The following STK32B variants were observed in gnomAD, a reference collection of about 807,000 sequenced individuals.
STK32B encodes serine/threonine kinase 32B, also known as serine/threonine-protein kinase 32B.
STK32B carries 43 observed loss-of-function variants against 52.6 expected under a neutral mutation model. That is an observed-to-expected ratio of 0.82 (90% CI 0.64 to 1.05). The LOEUF (loss-of-function observed/expected upper bound fraction) is 1.05, where lower values mean the gene tolerates loss of function less well. Among genes scored for constraint, STK32B ranks in the 50% least tolerant of loss-of-function variants. The pLI is 0.00. For synonymous variants in STK32B, 238 were observed against 204.3 expected (o/e 1.17, Z -1.41); for missense variants, 621 against 534.6 (o/e 1.16, Z -1.59).
intron 3 of STK32B, among the ~76,000 whole-genome samples, chr4:5,319,758 A>G (rs1731363896): frequency 1.3e-5 from 2 of 152,124 alleles, no homozygotes; most frequent in Non-Finnish European, 2.9e-5. Context: ...AGGGTATGAA[A>G]TGTCTTCTCA....
At chr4:5,193,966 C>T (rs918739363) in intron 3 of STK32B, among the ~76,000 whole-genome samples, 2 of 152,192 alleles carry the variant, frequency 1.3e-5, no homozygotes, top group Non-Finnish European at 2.9e-5. Context: ...TTCTCATGCT[C>T]CTGCACCTCT....
At chr4:5,160,941 A>T (rs1301719192) in intron 2 of STK32B, among the ~76,000 whole-genome samples, 1 of 152,182 alleles carries the variant, frequency 6.6e-6, no homozygotes, top group Non-Finnish European at 1.5e-5. Context: ...AGACCTGTGG[A>T]TGCCTGAGAA....
chr4:5,260,201 C>G (rs577997905), intron 3 of STK32B, among the ~76,000 whole-genome samples: 1 of 152,288 alleles, frequency 6.6e-6, no homozygotes, highest in Non-Finnish European at 1.5e-5. Flanking sequence ...CTGCCAAATG[C>G]TTCATGCTCT....
intron 4 of STK32B, among the ~76,000 whole-genome samples, chr4:5,375,824 A>G (rs1283690584): frequency 6.6e-6 from 1 of 152,124 alleles, no homozygotes; most frequent in Non-Finnish European, 1.5e-5. Context: ...GTGCTCCACA[A>G]TGGAGAATCA....
chr4:5,361,245 C>T (rs929170647), intron 4 of STK32B, among the ~76,000 whole-genome samples: 1 of 152,176 alleles, frequency 6.6e-6, no homozygotes, highest in Admixed American at 6.5e-5. Flanking sequence ...TTGCTCCCAC[C>T]TTTTGGCTAT....
chr4:5,327,077 TC>T (rs530163440), intron 3 of STK32B, among the ~76,000 whole-genome samples: 24 of 152,202 alleles, frequency 1.6e-4, no homozygotes, highest in Admixed American at 1.5e-3. Flanking sequence ...GGGAAACAAC[TC>T]AACTCCTCAT....
chr4:5,448,549 G>A (rs981327234), intron 7 of STK32B, among the ~76,000 whole-genome samples: 2 of 152,270 alleles, frequency 1.3e-5, no homozygotes, highest in African/African-American at 4.8e-5. Context: ...TCATGGGTCA[G>A]TGCAATCAAA....
intron 1 of STK32B, among the ~76,000 whole-genome samples, chr4:5,085,536 A>G (rs1712687973): frequency 6.6e-6 from 1 of 152,202 alleles, no homozygotes; most frequent in Non-Finnish European, 1.5e-5. Context: ...GGATAGTTCT[A>G]AGGAAGCACC....
In STK32B at chr4:5,168,317, C is replaced by T. The variant is rs749831897; in HGVS notation, c.127C>T (p.Arg43Ter). ...SFGKVCIVQK[R>*]DTKKMYAMKY... ...CGCTCAGGTATGCATCGTGCAGAAG[C>T]GAGACACTAAGAAAATGTATGCAAT... The change falls in exon 3 of 12, where the codon CGA (arginine) becomes TGA (stop). Residue 43 changes from arginine (R) to a stop codon, truncating the protein, a stop_gained. Coordinates refer to ENST00000282908, the MANE Select transcript of STK32B (RefSeq NM_018401.3). LOFTEE classifies it high-confidence loss of function. 6.2e-6 allele frequency: 10 copies of T among 1,613,690 alleles called. No homozygotes were observed. The highest frequency in any genetic ancestry group is 2.2e-5 in the East Asian group (1 of 44,820).
In STK32B at chr4:5,398,205, A is replaced by C. The variant is rs917030846; in HGVS notation, c.435-2A>C. 3.7e-6 allele frequency: 6 copies of C among 1,613,902 alleles called. No individual in the cohort carries two copies. Among genetic ancestry groups the C allele is most frequent in the Non-Finnish European group, 5.1e-6 (6 of 1,179,988 alleles). On this transcript the variant is annotated splice_acceptor_variant, in intron 4 of 11. Transcript: ENST00000282908. LOFTEE classifies it high-confidence loss of function. This position sits in a 1 kb window ranked among gnomAD's most constrained non-coding sequence, Gnocchi z 4.9. ...TGCCAGCTTCTTTGTTTTCTTTTAC[A>C]GAGACATCAAGCCAGACAATATCCT...
chr4:5,335,856 A>G (rs1732638918), intron 4 of STK32B, among the ~76,000 whole-genome samples: 1 of 151,694 alleles, frequency 6.6e-6, no homozygotes, highest in East Asian at 1.9e-4. Context: ...GTTTGTTATA[A>G]TTTCTATTCT....
rs568188048 is a variant in STK32B at position 5,467,706 on chromosome 4, G to A, written c.1042-300G>A. ...ATTTCTGGTTTTCCATGCCCCTCAC[G>A]TGGGCCTTAAGTGGTCAGGAAAATA... is the stretch of plus-strand genomic sequence containing the variant. On this transcript the variant is annotated intron_variant, in intron 10 of 11. Transcript: ENST00000282908. This position sits in a 1 kb window ranked among gnomAD's most constrained non-coding sequence, Gnocchi z 5.8. 2.0e-5 allele frequency among the ~76,000 whole-genome samples: 3 copies of A among 152,230 alleles called. No individual in the cohort carries two copies. The highest frequency in any genetic ancestry group is 2.1e-4 in the South Asian group (1 of 4,826).
chr4:5,481,488 A>G (rs1718703909), intron 11 of STK32B, among the ~76,000 whole-genome samples: 1 of 151,986 alleles, frequency 6.6e-6, no homozygotes, highest in African/African-American at 2.4e-5. Context: ...ATATTAGCCC[A>G]TTGTCAGATG....
intron 3 of STK32B, among the ~76,000 whole-genome samples, chr4:5,313,138 A>G (rs2108913994): frequency 6.7e-6 from 1 of 150,070 alleles, no homozygotes; most frequent in East Asian, 2.0e-4. Context: ...TTTTGCTCCA[A>G]CCTATTATCA....
intron 1 of STK32B, among the ~76,000 whole-genome samples, chr4:5,129,636 C>T (rs907447242): frequency 6.6e-6 from 1 of 152,128 alleles, no homozygotes; most frequent in South Asian, 2.1e-4. Flanking sequence ...AATGTGAACA[C>T]GAACTTGAGA....
intron 1 of STK32B, among the ~76,000 whole-genome samples, chr4:5,076,997 C>T: frequency 6.6e-6 from 1 of 152,204 alleles, no homozygotes; most frequent in Middle Eastern, 3.4e-3. Flanking sequence ...TTGGTTCAGG[C>T]CTCATCATCT....
At chr4:5,032,611 T>C in the STK32B span, among the ~76,000 whole-genome samples, 1 of 151,388 alleles carries the variant, frequency 6.6e-6, no homozygotes, top group African/African-American at 2.4e-5. Context: ...TTTTCCCCCA[T>C]ACCTATGAAA....
intron 4 of STK32B, among the ~76,000 whole-genome samples, chr4:5,334,184 G>A (rs1732468908): frequency 6.6e-6 from 1 of 151,860 alleles, no homozygotes; most frequent in South Asian, 2.1e-4. Flanking sequence ...CCTTGAAGAG[G>A]TCCTTCATGT....
At chr4:5,497,982 A>G (rs900636001) in intron 11 of STK32B, among the ~76,000 whole-genome samples, 7 of 152,218 alleles carry the variant, frequency 4.6e-5, no homozygotes, top group Non-Finnish European at 8.8e-5. Flanking sequence ...TCCCAGCCCT[A>G]TACTAGATAT....
Sources: allele counts gnomAD v4.1 joint callset (sites outside exome capture counted in the v4.1 genomes callset), GRCh38; gene constraint gnomAD v4.1.1; non-coding constraint Gnocchi (gnomAD v3.1); transcripts MANE v1.5; gene names NCBI Gene and HGNC (gene_info 2026-07-23, HGNC 2026-07-21).